Variants in KIAA1671 observed in about 807,000 individuals in gnomAD.
KIAA1671 encodes KIAA1671.
Under a neutral mutation model 131.2 loss-of-function variants are expected in KIAA1671, and 52 were observed. That is an observed-to-expected ratio of 0.40 (90% CI 0.32 to 0.50). The LOEUF (loss-of-function observed/expected upper bound fraction) is 0.50, where lower values mean the gene tolerates loss of function less well. KIAA1671 is among the 20% of genes least tolerant of loss of function. KIAA1671 has a pLI of 0.73. For synonymous variants in KIAA1671, 1,003 were observed against 961.6 expected, an observed-to-expected ratio of 1.04 and a Z score of -0.80; for missense variants, 2,360 against 2,364.2, an observed-to-expected ratio of 1.00 and a Z score of 0.04.
In KIAA1671 at chr22:25,040,586, G is replaced by T; in HGVS notation, c.3456G>T (p.Lys1152Asn). The T allele has an allele frequency of 1.2e-5, 18 of 1,551,802 alleles. No individual in the cohort carries two copies. Among genetic ancestry groups the T allele is most frequent in the Non-Finnish European group, 1.6e-5 (18 of 1,147,028 alleles). Residue 1152 changes from lysine (K) to asparagine (N), a missense_variant, in exon 5 of 13, where the codon AAG becomes AAT. Coordinates refer to ENST00000358431, the MANE Select transcript of KIAA1671 (RefSeq NM_001145206.2). The part of the protein sequence containing the change: ...PQSNWKESAN[K>N]MSPSGGAPQT... Reference sequence around the variant, plus strand: ...GCAATTGGAAGGAAAGTGCGAACAAGATGTCCCCCAGCGGCGGAGCTCCCC... The same window carrying T: ...GCAATTGGAAGGAAAGTGCGAACAATATGTCCCCCAGCGGCGGAGCTCCCC...
intron 1 of KIAA1671, among the ~76,000 whole-genome samples, chr22:25,015,228 A>T (rs1158728087): frequency 4.7e-5 from 2 of 42,548 alleles, no homozygotes; most frequent in East Asian, 2.9e-3. Flanking sequence ...CTTGTCCCTT[A>T]AAAAAAAAAA....
At chr22:24,988,925 A>G (rs1923694126) in intron 1 of KIAA1671, among the ~76,000 whole-genome samples, 2 of 152,086 alleles carry the variant, frequency 1.3e-5, no homozygotes, top group Non-Finnish European at 2.9e-5. Flanking sequence ...CTGAGGCTCA[A>G]AGAGGAGCAC....
intron 6 of KIAA1671, among the ~76,000 whole-genome samples, chr22:25,109,299 G>A (rs1305816833): frequency 6.6e-6 from 1 of 151,898 alleles, no homozygotes; most frequent in Non-Finnish European, 1.5e-5. Context: ...TAGTAGAGAC[G>A]GGGTTTCACC....
intron 6 of KIAA1671, among the ~76,000 whole-genome samples, chr22:25,073,640 T>C (rs1032709800): frequency 1.3e-5 from 2 of 152,220 alleles, no homozygotes; most frequent in African/African-American, 2.4e-5. Context: ...CCTTTAGAAC[T>C]GCAACTTTGT....
In KIAA1671 at chr22:25,028,207, C is replaced by T; in HGVS notation, c.208C>T (p.Pro70Ser). The T allele has an allele frequency of 2.6e-6, 4 of 1,551,136 alleles. No individual in the cohort carries two copies. The highest frequency in any genetic ancestry group is 3.5e-6 in the Non-Finnish European group (4 of 1,146,620). Residue 70 changes from proline to serine, a missense_variant, in exon 3 of 13, where the codon CCC (proline) becomes TCC (serine). Pro to Ser is a moderately conservative substitution (Grantham distance 74). This residue lies in a region of KIAA1671 where 1,185 missense variants were observed against 1,126.2 expected (regional missense o/e 1.05). Coordinates refer to ENST00000358431, the MANE Select transcript of KIAA1671 (RefSeq NM_001145206.2). ...LLPLPRLAPK[P>S]FSKEQDVKSP... ...CCCTCTGCCAAGGCTCGCCCCCAAA[C>T]CCTTCTCGAAGGAGCAGGACGTGAA...
chr22:25,100,212 G>A (rs55868620), intron 6 of KIAA1671, among the ~76,000 whole-genome samples: 12,327 of 152,244 alleles, frequency 0.081, 718 homozygotes, highest in East Asian at 0.29. Flanking sequence ...GGGCATGGAA[G>A]ATGCCCTCTG....
Position 25,039,534 on chromosome 22 carries a change from G to C in KIAA1671, c.2404G>C (p.Ala802Pro). Residue 802 changes from alanine (A) to proline (P), a missense_variant, in exon 5 of 13, where the codon GCT (alanine) becomes CCT (proline). Around this residue, in one of 3 missense-constraint regions of KIAA1671, gnomAD observed 1,185 missense variants for 1,126.2 expected, o/e 1.05. Transcript: ENST00000358431. ...SVQRASLIWEARGMPEASGPK... is the reference protein window; with the variant it reads ...SVQRASLIWEPRGMPEASGPK... ...CCAAAGGGCCAGTTTGATTTGGGAA[G>C]CTCGAGGCATGCCTGAGGCTAGTGG... 1 of 1,551,848 alleles carries C rather than the reference G, an allele frequency of 6.4e-7. No individual in the cohort carries two copies. The highest frequency in any genetic ancestry group is 1.2e-5 in the South Asian group (1 of 84,068).
In KIAA1671 at chr22:25,054,684, C is replaced by G. The variant is rs1057116163; in HGVS notation, c.4530+5320C>G. 49 of 149,710 alleles carry G rather than the reference C, an allele frequency of 3.3e-4. 3 individuals carry two copies. Among genetic ancestry groups the G allele is most frequent in the African/African-American group, 1.1e-3 (47 of 41,058 alleles). The allele number at this position is 149,710 out of a possible 1,614,324, so 9.3% of individuals were successfully genotyped here. A position where few individuals can be genotyped will look rare whatever the true frequency, so the allele number is the denominator to read the frequency against. On this transcript the variant is annotated intron_variant, in intron 6 of 12. Coordinates refer to ENST00000358431, the MANE Select transcript of KIAA1671 (RefSeq NM_001145206.2). ...ATAGCTACTGTTTATTGAACATTTA[C>G]TATATGCCAGGCATCATGTCATGTG...
intron 6 of KIAA1671, among the ~76,000 whole-genome samples, chr22:25,084,319 A>T (rs1929578526): frequency 6.6e-6 from 1 of 152,132 alleles, no homozygotes; most frequent in Non-Finnish European, 1.5e-5. Context: ...TACTAAAAAT[A>T]CAAAAATTAG....
chr22:25,145,034 A>G (rs972545081), intron 6 of KIAA1671, among the ~76,000 whole-genome samples: 4 of 152,186 alleles, frequency 2.6e-5, no homozygotes, highest in Admixed American at 6.5e-5. Context: ...CCCCTGGACC[A>G]TGCACATCTT....
At chr22:25,037,316 C>T (rs1324641108) in intron 4 of KIAA1671, among the ~76,000 whole-genome samples, 1 of 151,964 alleles carries the variant, frequency 6.6e-6, no homozygotes, top group Non-Finnish European at 1.5e-5. Context: ...GAGCAAGACT[C>T]CATCACAAAA....
At chr22:25,185,989 G>C (rs1017035602) in intron 11 of KIAA1671, 14 of 152,200 alleles carry the variant, frequency 9.2e-5, no homozygotes, top group African/African-American at 2.9e-4. Context: ...GATAGTAAGT[G>C]CTGGTTGGAT....
At chr22:25,017,457 GGCA>G (rs545183592) in intron 1 of KIAA1671, among the ~76,000 whole-genome samples, 2 of 152,256 alleles carry the variant, frequency 1.3e-5, no homozygotes, top group African/African-American at 4.8e-5. Flanking sequence ...CACACTGGTG[GGCA>G]GGTCTTACAG....
chr22:25,063,043 A>G (rs1360837477), intron 6 of KIAA1671: 5 of 151,824 alleles, frequency 3.3e-5, no homozygotes, highest in Non-Finnish European at 7.4e-5. Context: ...TGGATATGCC[A>G]TTGTTACCAG....
intron 4 of KIAA1671, among the ~76,000 whole-genome samples, chr22:25,038,239 C>T (rs1044060784): frequency 1.3e-5 from 2 of 152,094 alleles, no homozygotes; most frequent in Non-Finnish European, 2.9e-5. Flanking sequence ...TGGACTTAAG[C>T]GATTCTCCCA....
At chr22:25,118,530 A>G (rs1483975266) in intron 6 of KIAA1671, among the ~76,000 whole-genome samples, 2 of 152,110 alleles carry the variant, frequency 1.3e-5, no homozygotes, top group African/African-American at 4.8e-5. Context: ...GGCTCAAGGG[A>G]TCCACCTACT....
At chr22:24,998,005 T>C (rs553955669) in intron 1 of KIAA1671, among the ~76,000 whole-genome samples, 2 of 152,362 alleles carry the variant, frequency 1.3e-5, no homozygotes, top group South Asian at 4.1e-4. Context: ...CCTTAATGCC[T>C]GTCGTATTTA....
At chr22:25,042,992 G>A (rs918958257) in intron 5 of KIAA1671, among the ~76,000 whole-genome samples, 28 of 151,994 alleles carry the variant, frequency 1.8e-4, no homozygotes, top group Admixed American at 7.9e-4. Context: ...TGTTTGTGGG[G>A]TCATGAACAT....
Position 25,039,030 on chromosome 22 carries a change from A to T in KIAA1671, c.1900A>T (p.Thr634Ser). 1 of 1,551,668 alleles carries T rather than the reference A, an allele frequency of 6.4e-7. No individual in the cohort carries two copies. The highest frequency in any genetic ancestry group is 8.7e-7 in the Non-Finnish European group (1 of 1,147,020). ...VADQSGRCLS[T>S]TPPGDMAHAR... is the part of the protein sequence containing the mutation. ...TGACCAGTCGGGACGTTGTCTCTCC[A>T]CCACACCCCCTGGTGACATGGCCCA... is the stretch of plus-strand genomic sequence containing the variant. The change falls in exon 5 of 13, where the codon ACC (threonine) becomes TCC (serine). Residue 634 changes from threonine (T) to serine (S), a missense_variant. Coordinates refer to ENST00000358431, the MANE Select transcript of KIAA1671 (RefSeq NM_001145206.2).
Sources: allele counts gnomAD v4.1 joint callset (sites outside exome capture counted in the v4.1 genomes callset), GRCh38; gene constraint gnomAD v4.1.1; regional missense constraint gnomAD v4.1.1; transcripts MANE v1.5; gene names NCBI Gene and HGNC (gene_info 2026-07-23, HGNC 2026-07-21).